DRGX: variants seen among roughly 807,000 people sequenced by gnomAD.
DRGX encodes the protein dorsal root ganglia homeobox.
DRGX carries 21 observed loss-of-function variants against 28.6 expected under a neutral mutation model. That is an observed-to-expected ratio of 0.73 (90% CI 0.52 to 1.06). The LOEUF is 1.06. Ranked by LOEUF, DRGX falls within the 50% of genes least tolerant of loss-of-function variation. DRGX has a pLI of 0.00. For missense variants in DRGX, 354 were observed against 343.9 expected (o/e 1.03, Z -0.23); for synonymous variants, 136 against 139.1 (o/e 0.98, Z 0.16).
intron 6 of DRGX, among the ~76,000 whole-genome samples, chr10:49,384,203 G>A (rs1360952232): frequency 6.6e-6 from 1 of 152,208 alleles, no homozygotes; most frequent in Non-Finnish European, 1.5e-5. Flanking sequence ...AGGGCCTCCT[G>A]TTTCAAGAAA....
chr10:49,377,302 A>G (rs530860281), intron 6 of DRGX, among the ~76,000 whole-genome samples: 11 of 152,356 alleles, frequency 7.2e-5, no homozygotes, highest in African/African-American at 2.2e-4. Context: ...TAGTGCCCTT[A>G]AAGTATAAAT....
rs1455973640 is a variant in DRGX, at chr10:49,395,505, G to A, written c.-65C>T. ...GGGTGGCAGCAGAACGGACCCGCGC[G>A]CGTTGCTCCTGCCTGGCTGCAAAGC... On this transcript the variant is annotated 5_prime_UTR_variant, in exon 2 of 7. Transcript: ENST00000374139. The A allele has an allele frequency of 2.6e-6, 4 of 1,522,546 alleles. No homozygotes were observed. The highest frequency in any genetic ancestry group is 3.6e-6 in the Non-Finnish European group (4 of 1,123,928). The allele number at this position is 1,522,546 out of a possible 1,614,324, so 94.3% of individuals were successfully genotyped here. A position where few individuals can be genotyped will look rare whatever the true frequency, so the allele number is the denominator to read the frequency against.
intron 6 of DRGX, among the ~76,000 whole-genome samples, chr10:49,375,679 G>T (rs975109959): frequency 6.6e-6 from 1 of 152,264 alleles, no homozygotes; most frequent in East Asian, 1.9e-4. Flanking sequence ...CCAGAGCCTT[G>T]TGCTGTGACA....
chr10:49,373,418 A>G (rs1160795863), intron 6 of DRGX, among the ~76,000 whole-genome samples: 1 of 152,228 alleles, frequency 6.6e-6, no homozygotes, highest in Non-Finnish European at 1.5e-5. Context: ...TATAAAACAT[A>G]CACATGCGAT....
At chr10:49,368,321 T>C (rs970786951) in intron 6 of DRGX, among the ~76,000 whole-genome samples, 2 of 152,242 alleles carry the variant, frequency 1.3e-5, no homozygotes, top group Middle Eastern at 6.4e-3. Flanking sequence ...CAAGTTTGAC[T>C]GAGGGACTGA....
At position 49,366,189 on chromosome 10, in the gene DRGX, G is replaced by C; in HGVS notation, c.719C>G (p.Pro240Arg). 6.2e-7 allele frequency: 1 copy of C among 1,613,268 alleles called. No homozygotes were observed. The highest frequency in any genetic ancestry group is 2.2e-5 in the East Asian group (1 of 44,878). The change falls in exon 7 of 7, where the codon CCG becomes CGG. Residue 240 changes from proline (P) to arginine (R), a missense_variant. By Grantham distance (103) the Pro-to-Arg change is moderately radical. Transcript: ENST00000374139. Reference sequence around the variant, plus strand: ...TTCCTGGCTGCCATCTGGGGGCGCCGGCTTGGCGACAGGGCCGGGGCTGCT... The same window carrying C: ...TTCCTGGCTGCCATCTGGGGGCGCCCGCTTGGCGACAGGGCCGGGGCTGCT... ...TSSSPGPVAKPAPPDGSQEKT... is the reference protein window; with the variant it reads ...TSSSPGPVAKRAPPDGSQEKT...
chr10:49,365,987 C>G lies in DRGX; in HGVS notation c.*129G>C. 1 of 1,173,058 alleles carries G rather than the reference C, an allele frequency of 8.5e-7. No homozygotes were observed. Among genetic ancestry groups the G allele is most frequent in the South Asian group, 2.0e-5 (1 of 49,482 alleles). 72.7% of individuals were successfully genotyped at this position (1,173,058 alleles called of 1,614,324 possible). A position where few individuals can be genotyped will look rare whatever the true frequency, so the allele number is the denominator to read the frequency against. ...AAGGGAGCTGTGGGTCTCACTTGCC[C>G]GTCCTGGGTCCATGCAGAGGCCCTG... is the stretch of plus-strand genomic sequence containing the variant. On this transcript the variant is annotated 3_prime_UTR_variant, in exon 7 of 7. Coordinates refer to ENST00000374139, the MANE Select transcript of DRGX (RefSeq NM_001276451.2).
intron 2 of DRGX, among the ~76,000 whole-genome samples, chr10:49,394,107 C>T (rs1055852333): frequency 6.6e-6 from 1 of 152,178 alleles, no homozygotes; most frequent in South Asian, 2.1e-4. Flanking sequence ...GCACGTCTCC[C>T]ACCCTTCCAT....
At chr10:49,367,970 C>A (rs1368767293) in intron 6 of DRGX, among the ~76,000 whole-genome samples, 2 of 152,212 alleles carry the variant, frequency 1.3e-5, no homozygotes, top group African/African-American at 2.4e-5. Context: ...GCTACACCAG[C>A]TTTTCCAGCA....
chr10:49,386,441 A>T (rs1849836938), intron 6 of DRGX, 37 bp downstream of exon 6: 1 of 1,481,600 alleles, frequency 6.7e-7, no homozygotes, highest in African/African-American at 1.4e-5. Context: ...CAACCCCATG[A>T]GGCCACGCCC....
chr10:49,379,847 A>G (rs1849755141), intron 6 of DRGX, among the ~76,000 whole-genome samples: 2 of 152,176 alleles, frequency 1.3e-5, no homozygotes, highest in African/African-American at 4.8e-5. Context: ...TTCAGTCCTG[A>G]CAGCGTCCAA....
At chr10:49,369,260 G>A (rs61848626) in intron 6 of DRGX, among the ~76,000 whole-genome samples, 16,970 of 152,136 alleles carry the variant, frequency 0.11, 1,022 homozygotes, top group Middle Eastern at 0.2. Flanking sequence ...CACAGAACCA[G>A]GGCTGCAGCA....
rs1258895748 is a variant in DRGX at position 49,369,390 on chromosome 10, C to T, written c.527-3009G>A. 2.0e-5 allele frequency among the ~76,000 whole-genome samples: 3 copies of T among 152,172 alleles called. No individual in the cohort carries two copies. In the East Asian group the frequency reaches 5.8e-4, roughly 29 times the overall value. The stretch of plus-strand genomic sequence containing the variant: ...ACCCTGTGGTTAAAAACCGTAAGGA[C>T]TGTACATACCATGGAATATGACTCA... On this transcript the variant is annotated intron_variant, in intron 6 of 6. Coordinates refer to ENST00000374139, the MANE Select transcript of DRGX (RefSeq NM_001276451.2).
chr10:49,391,702 T>C (rs890607415), intron 2 of DRGX: 12 of 454,906 alleles, frequency 2.6e-5, no homozygotes, highest in Middle Eastern at 3.3e-4. Context: ...CTTGTTTCTA[T>C]TAACAAGAAT....
At chr10:49,387,251 T>C (rs186925643) in intron 4 of DRGX, among the ~76,000 whole-genome samples, 2 of 152,344 alleles carry the variant, frequency 1.3e-5, no homozygotes, top group African/African-American at 4.8e-5. Flanking sequence ...CTAGCTCTTC[T>C]GACAGCTGTG....
chr10:49,372,482 T>C (rs1370824127), intron 6 of DRGX, among the ~76,000 whole-genome samples: 4 of 152,194 alleles, frequency 2.6e-5, no homozygotes, highest in Non-Finnish European at 5.9e-5. Flanking sequence ...TTCTTCGCCT[T>C]AACACACCTA....
At chr10:49,382,088 T>G (rs1184357034) in intron 6 of DRGX, among the ~76,000 whole-genome samples, 1 of 152,038 alleles carries the variant, frequency 6.6e-6, no homozygotes, top group Non-Finnish European at 1.5e-5. Flanking sequence ...GATTTATGAC[T>G]GTCACTACTT....
chr10:49,387,301 A>G (rs1022362768), intron 4 of DRGX, among the ~76,000 whole-genome samples: 4 of 152,100 alleles, frequency 2.6e-5, no homozygotes, highest in Non-Finnish European at 4.4e-5. Flanking sequence ...CCTCATATCT[A>G]TGATATCATC....
chr10:49,386,504 G>A lies in DRGX; in HGVS notation c.500C>T (p.Ala167Val), dbSNP rs1286306059. ...TTTGAGGGAAGCCACATGGGACAAGGCCTGGGCGTAGGTGGCCGTGTTCAG... is the reference window on the plus strand; with the variant it reads ...TTTGAGGGAAGCCACATGGGACAAGACCTGGGCGTAGGTGGCCGTGTTCAG... ...TLLNTATYAQALSHVASLKGG... is the reference protein window; with the variant it reads ...TLLNTATYAQVLSHVASLKGG... The change falls in exon 6 of 7, where the codon GCC (alanine) becomes GTC (valine). Residue 167 changes from alanine to valine, a missense_variant. Coordinates refer to ENST00000374139, the MANE Select transcript of DRGX (RefSeq NM_001276451.2). 6.3e-7 allele frequency: 1 copy of A among 1,583,628 alleles called. No individual in the cohort carries two copies. Among genetic ancestry groups the A allele is most frequent in the East Asian group, 2.3e-5 (1 of 43,216 alleles).
Sources: gnomAD v4.1 joint callset for allele counts (sites outside exome capture counted in the v4.1 genomes callset) on GRCh38, gnomAD v4.1.1 for gene constraint, MANE v1.5 for transcripts, NCBI Gene and HGNC (gene_info 2026-07-23, HGNC 2026-07-21) for gene names.